Variants in EFHC2 observed in about 807,000 individuals in gnomAD.
EFHC2 encodes EF-hand domain-containing family member C2.
In EFHC2, 18 loss-of-function variants were observed where a neutral mutation model predicts 52.7. That is an observed-to-expected ratio of 0.34 (90% CI 0.24 to 0.51). The LOEUF (loss-of-function observed/expected upper bound fraction) is 0.51. EFHC2 is among the 20% of genes least tolerant of loss of function. EFHC2 has a pLI of 0.97. For synonymous variants in EFHC2, 203 were observed against 204.1 expected, an observed-to-expected ratio of 0.99 and a Z score of 0.04; for missense variants, 513 against 562.5, an observed-to-expected ratio of 0.91 and a Z score of 0.89.
intron 11 of EFHC2, among the ~76,000 whole-genome samples, chrX:44,199,964 G>A (rs963538683): frequency 3.6e-5 from 4 of 112,080 alleles, no homozygotes; most frequent in Admixed American, 2.8e-4. Flanking sequence ...AGACTAACAT[G>A]AAACAACTAC....
intron 11 of EFHC2, among the ~76,000 whole-genome samples, chrX:44,190,259 A>G (rs1279911699): frequency 8.9e-6 from 1 of 112,049 alleles, no homozygotes; most frequent in South Asian, 3.8e-4. Context: ...GCCTGGTGAC[A>G]ACAAGAAGCC....
intron 2 of EFHC2, among the ~76,000 whole-genome samples, chrX:44,277,678 A>G (rs1055358091): frequency 1.8e-5 from 2 of 111,510 alleles, no homozygotes; most frequent in African/African-American, 6.5e-5. Flanking sequence ...ATTTACAGAA[A>G]TATATCTGAA....
intron 13 of EFHC2, among the ~76,000 whole-genome samples, chrX:44,167,526 C>T (rs2036705216): frequency 8.9e-6 from 1 of 112,398 alleles, no homozygotes; most frequent in Non-Finnish European, 1.9e-5. Context: ...TTTAGGGGGA[C>T]ATTTAAGAAG....
chrX:44,244,799 T>C, intron 7 of EFHC2, among the ~76,000 whole-genome samples: 1 of 111,908 alleles, frequency 8.9e-6, no homozygotes, highest in Non-Finnish European at 1.9e-5. Flanking sequence ...CTTAAATAAT[T>C]TGGGCAAAGC....
chrX:44,194,264 G>A (rs1237081385), intron 11 of EFHC2, among the ~76,000 whole-genome samples: 1 of 111,539 alleles, frequency 9.0e-6, no homozygotes, highest in Non-Finnish European at 1.9e-5. Context: ...TTTGTTTTGG[G>A]TCTTCTATGA....
In EFHC2 at chrX:44,200,453, C is replaced by G. The variant is rs1031949316; in HGVS notation, c.1752-21889G>C. 2.7e-5 allele frequency among the ~76,000 whole-genome samples: 3 copies of G among 110,999 alleles called. No individual in the cohort carries two copies. The South Asian group carries it at 1.1e-3, about 42-fold the overall frequency. On this transcript the variant is annotated intron_variant, in intron 11 of 14. Coordinates refer to ENST00000420999, the MANE Select transcript of EFHC2 (RefSeq NM_025184.4). Reference sequence around the variant, plus strand: ...ACACAGAGAAGCCATAAGAAAAGAACAAGATGCTACGGAAAAGGATGGAAA... The same window carrying G: ...ACACAGAGAAGCCATAAGAAAAGAAGAAGATGCTACGGAAAAGGATGGAAA...
chrX:44,289,682 T>C (rs1331073593), intron 2 of EFHC2, among the ~76,000 whole-genome samples: 111 of 93,003 alleles, frequency 1.2e-3, no homozygotes, highest in African/African-American at 4.2e-3. Flanking sequence ...TCTTTCTTTT[T>C]TTTTTTTTTT....
intron 4 of EFHC2, among the ~76,000 whole-genome samples, chrX:44,255,988 T>G (rs752504500): frequency 9.0e-6 from 1 of 111,712 alleles, no homozygotes; most frequent in African/African-American, 3.3e-5. Flanking sequence ...AACCGCACAA[T>G]TGCATGCAAA....
At chrX:44,149,075 A>C (rs921157081) in intron 14 of EFHC2, among the ~76,000 whole-genome samples, 179 bp from the exon 15 acceptor site, 3 of 112,225 alleles carry the variant, frequency 2.7e-5, no homozygotes, top group Non-Finnish European at 5.6e-5. Flanking sequence ...TATAAGAATT[A>C]TGTGCCCACA....
chrX:44,244,917 G>A (rs898856025), intron 7 of EFHC2, among the ~76,000 whole-genome samples: 6 of 112,070 alleles, frequency 5.4e-5, no homozygotes, highest in Non-Finnish European at 1.1e-4. Flanking sequence ...TTAGCTTCAA[G>A]GTAAATCCAC....
chrX:44,198,409 G>A (rs1428991145), intron 11 of EFHC2, among the ~76,000 whole-genome samples: 4 of 111,613 alleles, frequency 3.6e-5, no homozygotes, highest in African/African-American at 9.8e-5. Context: ...AGGCCTATAC[G>A]ATCACAGCCA....
intron 13 of EFHC2, among the ~76,000 whole-genome samples, chrX:44,174,414 G>A (rs1382075175): frequency 9.0e-6 from 1 of 110,655 alleles, no homozygotes; most frequent in Non-Finnish European, 1.9e-5. Context: ...ATGAATCGAA[G>A]TTCAAGTCAC....
In EFHC2 at chrX:44,283,717, G is replaced by A. The variant is rs764606558; in HGVS notation, c.232-10881C>T. On this transcript the variant is annotated intron_variant, in intron 2 of 14. Transcript: ENST00000420999. ...TTTTACATCCGGGAAGTTGCACAGC[G>A]CAAAATCAGACCATTTGGGACAGTC... 4.1e-5 allele frequency among the ~76,000 whole-genome samples: 4 copies of A among 97,245 alleles called. No individual in the cohort carries two copies. In the East Asian group the frequency reaches 9.8e-4, roughly 24 times the overall value. The allele number at this position is 97,245 out of a possible 115,157, so 84.4% of individuals were successfully genotyped here.
At chrX:44,233,471 C>T (rs2147323584) in intron 9 of EFHC2, among the ~76,000 whole-genome samples, 1 of 111,421 alleles carries the variant, frequency 9.0e-6, no homozygotes, top group Admixed American at 9.5e-5. Context: ...TGGAAAGTAG[C>T]CAGTAGAGTT....
At chrX:44,209,129 A>C (rs2147301605) in intron 11 of EFHC2, among the ~76,000 whole-genome samples, 1 of 107,835 alleles carries the variant, frequency 9.3e-6, no homozygotes, top group Non-Finnish European at 1.9e-5. Context: ...TTTAAGACCC[A>C]AATGTGGAAG....
At chrX:44,274,263 C>G (rs1444812962) in intron 2 of EFHC2, among the ~76,000 whole-genome samples, 2 of 112,337 alleles carry the variant, frequency 1.8e-5, no homozygotes, top group African/African-American at 3.2e-5. Flanking sequence ...GTCCTATGTT[C>G]AGCTGCTTTC....
At chrX:44,300,709 G>A (rs958677352) in intron 2 of EFHC2, among the ~76,000 whole-genome samples, 1 of 111,628 alleles carries the variant, frequency 9.0e-6, no homozygotes, top group African/African-American at 3.2e-5. Context: ...CAGAAGTAAC[G>A]AATTAGCCAC....
At chrX:44,264,296 C>T (rs2037560871) in intron 3 of EFHC2, among the ~76,000 whole-genome samples, 1 of 111,832 alleles carries the variant, frequency 8.9e-6, no homozygotes, top group Non-Finnish European at 1.9e-5. Context: ...GAGCTACCAG[C>T]CACCATGAAA....
Position 44,176,293 on chromosome X carries a change from T to C in EFHC2, c.2041A>G (p.Arg681Gly). The C allele has an allele frequency of 3.4e-6, 4 of 1,192,359 alleles. No individual in the cohort carries two copies. Among genetic ancestry groups the C allele is most frequent in the Non-Finnish European group, 2.3e-6 (2 of 883,163 alleles). Residue 681 changes from arginine to glycine, a missense_variant and splice_region_variant, in exon 13 of 15, where the codon AGG becomes GGG. Coordinates refer to ENST00000420999, the MANE Select transcript of EFHC2 (RefSeq NM_025184.4). ...SDDLLESLLS[R>G]FEDSEKQIDY... ...ATCAAGAGTGGAACTCTAACTTACC[T>C]TGACAATAAGGATTCTAGAAGATCA...
Sources: allele counts gnomAD v4.1 joint callset (sites outside exome capture counted in the v4.1 genomes callset), GRCh38; gene constraint gnomAD v4.1.1; transcripts MANE v1.5; gene names NCBI Gene and HGNC (gene_info 2026-07-23, HGNC 2026-07-21).